TRAPPC14: variants seen among roughly 807,000 people sequenced by gnomAD.
TRAPPC14 encodes the protein trafficking protein particle complex subunit 14.
In TRAPPC14, 24 loss-of-function variants were observed where a neutral mutation model predicts 56.6. That is an observed-to-expected ratio of 0.42 (90% CI 0.31 to 0.60). The LOEUF (loss-of-function observed/expected upper bound fraction) is 0.60. Among genes scored for constraint, TRAPPC14 ranks in the 20% least tolerant of loss-of-function variants. The pLI is 0.14. For missense variants in TRAPPC14, 615 were observed against 790.3 expected (o/e 0.78, Z 2.66); for synonymous variants, 377 against 347.0 (o/e 1.09, Z -0.96).
intron 2 of TRAPPC14, 27 bp downstream of exon 2, chr7:100,157,816 C>A: frequency 6.2e-7 from 1 of 1,613,010 alleles, no homozygotes; most frequent in Non-Finnish European, 8.5e-7. Flanking sequence ...TGAATTAGGA[C>A]AATAGCTCCA....
Position 100,157,633 on chromosome 7 carries a change from C to T in TRAPPC14, c.637G>A (p.Val213Met), listed in dbSNP as rs1937995606. 2 of 1,614,142 alleles carry T rather than the reference C, an allele frequency of 1.2e-6. No homozygotes were observed. The highest frequency in any genetic ancestry group is 2.7e-5 in the African/African-American group (2 of 75,070). Residue 213 changes from valine to methionine, a missense_variant and splice_region_variant, in exon 3 of 11, where the codon GTG becomes ATG. Physicochemically the swap from Val to Met is conservative, Grantham distance 21. Transcript: ENST00000316937. ...TTTGCCTCTGCGCTGCCCTGCCCACCTTGGGCCTTGAAAGCGCTCTGCTCG... is the reference window on the plus strand; with the variant it reads ...TTTGCCTCTGCGCTGCCCTGCCCACTTTGGGCCTTGAAAGCGCTCTGCTCG... Reference protein sequence around the residue: ...RGEQSAFKAQVSTLLTLLPPP... With the variant: ...RGEQSAFKAQMSTLLTLLPPP...
At position 100,158,604 on chromosome 7, in the gene TRAPPC14, C is replaced by A. The variant is rs1798937717; in HGVS notation, c.-105G>T. ...GTCCCGACACCTCCGGCTGCTGCGC[C>A]CGGCTGGGGCGGCCGGAGAGACCGG... On this transcript the variant is annotated 5_prime_UTR_variant, in exon 1 of 11. Transcript: ENST00000316937. 8.6e-7 allele frequency: 1 copy of A among 1,157,160 alleles called. No homozygotes were observed. The highest frequency in any genetic ancestry group is 4.3e-5 in the Admixed American group (1 of 23,470). 71.7% of individuals were successfully genotyped at this position (1,157,160 alleles called of 1,614,324 possible). A position where few individuals can be genotyped will look rare whatever the true frequency, so the allele number is the denominator to read the frequency against.
Position 100,158,372 on chromosome 7 carries a change from G to A in TRAPPC14, c.128C>T (p.Thr43Ile), listed in dbSNP as rs941708198. The A allele has an allele frequency of 4.0e-6, 6 of 1,492,904 alleles. No homozygotes were observed. The Admixed American group carries it at 9.3e-5, about 23-fold the overall frequency. The allele number at this position is 1,492,904 out of a possible 1,614,324, so 92.5% of individuals were successfully genotyped here. A position where few individuals can be genotyped will look rare whatever the true frequency, so the allele number is the denominator to read the frequency against. Residue 43 changes from threonine (T) to isoleucine (I), a missense_variant, in exon 1 of 11, where the codon ACT becomes ATT. By Grantham distance (89) the Thr-to-Ile change is moderately conservative. Coordinates refer to ENST00000316937, the MANE Select transcript of TRAPPC14 (RefSeq NM_018275.5). ...GCGCAACACCAGCAGAAAACGGACA[G>A]TCTCCCCCAAGTACAGATGGTTGCG... ...PRRNHLYLGE[T>I]VRFLLVLRCR...
In TRAPPC14 at chr7:100,154,981, A is replaced by G. The variant is rs1357091657; in HGVS notation, c.*30T>C. Reference sequence around the variant, plus strand: ...CCCTCTGGGGGCGTTGGGTCTCTGGAGTGTAAGAGGGAACAGAGCTGGCAC... The same window carrying G: ...CCCTCTGGGGGCGTTGGGTCTCTGGGGTGTAAGAGGGAACAGAGCTGGCAC... On this transcript the variant is annotated 3_prime_UTR_variant, in exon 11 of 11. Coordinates refer to ENST00000316937, the MANE Select transcript of TRAPPC14 (RefSeq NM_018275.5). The G allele has an allele frequency of 6.2e-7, 1 of 1,612,758 alleles. No individual in the cohort carries two copies. The highest frequency in any genetic ancestry group is 8.5e-7 in the Non-Finnish European group (1 of 1,178,890).
rs763469351 is a variant in TRAPPC14 at position 100,158,511 on chromosome 7, G to A, written c.-12C>T. Reference sequence around the variant, plus strand: ...CACTGGGACTCCATGGGGCGGCGAGGACGGCGCGACTGGGAGCCCGGACCG... The same window carrying A: ...CACTGGGACTCCATGGGGCGGCGAGAACGGCGCGACTGGGAGCCCGGACCG... On this transcript the variant is annotated 5_prime_UTR_variant, in exon 1 of 11. Transcript: ENST00000316937. The A allele has an allele frequency of 1.0e-4, 137 of 1,312,790 alleles. 1 individual carries two copies. In the African/African-American group the frequency reaches 2.0e-3, roughly 19 times the overall value. 81.3% of individuals were successfully genotyped at this position (1,312,790 alleles called of 1,614,324 possible).
chr7:100,155,470 A>G lies in TRAPPC14; in HGVS notation c.1396-15T>C, dbSNP rs141927287. 18 of 1,513,576 alleles carry G rather than the reference A, an allele frequency of 1.2e-5. No individual in the cohort carries two copies. The highest frequency in any genetic ancestry group is 1.8e-4 in the Middle Eastern group (1 of 5,680). The allele number at this position is 1,513,576 out of a possible 1,614,324, so 93.8% of individuals were successfully genotyped here. A position where few individuals can be genotyped will look rare whatever the true frequency, so the allele number is the denominator to read the frequency against. On this transcript the variant is annotated splice_polypyrimidine_tract_variant and intron_variant, in intron 9 of 10. Transcript: ENST00000316937. ...TGCTGGCTTAGCTGGGGGGAGACACAGGTCAGCATGCCAGCTCGGCTTCCA... is the reference window on the plus strand; with the variant it reads ...TGCTGGCTTAGCTGGGGGGAGACACGGGTCAGCATGCCAGCTCGGCTTCCA...
Position 100,154,700 on chromosome 7 carries a change from CT to C in TRAPPC14, c.*310del, listed in dbSNP as rs1446876758. 7.2e-6 allele frequency: 3 copies of C among 417,306 alleles called. No homozygotes were observed. Among genetic ancestry groups the C allele is most frequent in the Non-Finnish European group, 1.3e-5 (3 of 228,474 alleles). 25.9% of individuals were successfully genotyped at this position (417,306 alleles called of 1,614,324 possible). A position where few individuals can be genotyped will look rare whatever the true frequency, so the allele number is the denominator to read the frequency against. On this transcript the variant is annotated 3_prime_UTR_variant, in exon 11 of 11. Transcript: ENST00000316937. ...GAACTCAACGGGAATGAGGAAGAGACTTTGTAAACTCAGAACCAGGGTAAAG... is the reference window on the plus strand; with the variant it reads ...GAACTCAACGGGAATGAGGAAGAGACTTGTAAACTCAGAACCAGGGTAAAG...
Position 100,158,659 on chromosome 7 carries a change from G to C in TRAPPC14, c.-160C>G, listed in dbSNP as rs574441040. 45 of 629,398 alleles carry C rather than the reference G, an allele frequency of 7.1e-5. No individual in the cohort carries two copies. In the South Asian group the frequency reaches 2.4e-3, roughly 34 times the overall value. The allele number at this position is 629,398 out of a possible 1,614,324, so 39.0% of individuals were successfully genotyped here. ...GTCCCGGCACCGGGGCAACGAACCCGAACCGAGACCCGGCAGCGCCGGAAC... is the reference window on the plus strand; with the variant it reads ...GTCCCGGCACCGGGGCAACGAACCCCAACCGAGACCCGGCAGCGCCGGAAC... On this transcript the variant is annotated 5_prime_UTR_variant, in exon 1 of 11. Coordinates refer to ENST00000316937, the MANE Select transcript of TRAPPC14 (RefSeq NM_018275.5).
chr7:100,157,257 C>T (rs1798900765), intron 4 of TRAPPC14, 43 bp from the exon 5 acceptor site: 1 of 1,613,756 alleles, frequency 6.2e-7, no homozygotes, highest in Non-Finnish European at 8.5e-7. Flanking sequence ...CTGGACCCCT[C>T]AGGCCCCACC....
rs770043074 is a variant in TRAPPC14, at chr7:100,157,078, C to T, written c.845+16G>A. On this transcript the variant is annotated intron_variant, in intron 5 of 10. Coordinates refer to ENST00000316937, the MANE Select transcript of TRAPPC14 (RefSeq NM_018275.5). ...ATCCCCACCACTTCACAGCCTCGCC[C>T]CTCCCAGGACCTCACCAGACATTGT... is the stretch of plus-strand genomic sequence containing the variant. The T allele has an allele frequency of 5.6e-6, 9 of 1,614,146 alleles. No homozygotes were observed. In the South Asian group the frequency reaches 9.9e-5, roughly 18 times the overall value.
At chr7:100,156,064 G>C in intron 8 of TRAPPC14, 1 of 690,164 alleles carries the variant, frequency 1.4e-6, no homozygotes, top group Admixed American at 2.1e-5. Context: ...CTATTTTAAA[G>C]GTGAGGACTC....
At chr7:100,156,035 C>T (rs1484208220) in intron 8 of TRAPPC14, 1 of 741,946 alleles carries the variant, frequency 1.3e-6, no homozygotes, top group African/African-American at 1.7e-5. Flanking sequence ...CATGACAGCC[C>T]CATCAGATAT....
At position 100,158,446 on chromosome 7, in the gene TRAPPC14, C is replaced by T. The variant is rs1376660635; in HGVS notation, c.54G>A (p.Pro18=). The part of the protein sequence containing the change: ...SMYFPAVPLP[P]RAELAGDPGR... ...CCGGATCCCCTGCCAGCTCCGCGCG[C>T]GGCGGCAGCGGCACGGCCGGGAAGT... is the stretch of plus-strand genomic sequence containing the variant. Residue 18 remains proline (P), a synonymous_variant, in exon 1 of 11, where the codon CCG becomes CCA. Transcript: ENST00000316937. The T allele has an allele frequency of 4.3e-6, 6 of 1,395,294 alleles. No individual in the cohort carries two copies. Among genetic ancestry groups the T allele is most frequent in the South Asian group, 1.6e-5 (1 of 63,016 alleles). 86.4% of individuals were successfully genotyped at this position (1,395,294 alleles called of 1,614,324 possible). A position where few individuals can be genotyped will look rare whatever the true frequency, so the allele number is the denominator to read the frequency against.
chr7:100,157,619 G>GCTGCC lies in TRAPPC14; in HGVS notation c.637+9_637+13dup, dbSNP rs772610012. On this transcript the variant is annotated intron_variant, in intron 3 of 10. Transcript: ENST00000316937. ...CCAGACTCTAGCCCTTTGCCTCTGC[G>GCTGCC]CTGCCCTGCCCACCTTGGGCCTTGA... is the stretch of plus-strand genomic sequence containing the variant. 197 of 1,613,830 alleles carry GCTGCC rather than the reference G, an allele frequency of 1.2e-4. 2 individuals carry two copies. The African/African-American group carries it at 2.1e-3, about 18-fold the overall frequency.
chr7:100,155,074 C>T lies in TRAPPC14; in HGVS notation c.1680G>A (p.Val560=), dbSNP rs773991644. The T allele has an allele frequency of 1.2e-6, 2 of 1,614,100 alleles. No individual in the cohort carries two copies. Among genetic ancestry groups the T allele is most frequent in the Admixed American group, 1.7e-5 (1 of 60,012 alleles). The part of the protein sequence containing the change: ...RPLYLPPDKA[V]LSLDKIAKRE... The stretch of plus-strand genomic sequence containing the variant: ...GCTTGGCAATCTTGTCCAGAGACAA[C>T]ACAGCCTTGTCCGGGGGCAGGTAGA... Residue 560 remains valine, a synonymous_variant, in exon 11 of 11, where the codon GTG becomes GTA. Transcript: ENST00000316937.
Position 100,158,605 on chromosome 7 carries a change from C to A in TRAPPC14, c.-106G>T. The stretch of plus-strand genomic sequence containing the variant: ...TCCCGACACCTCCGGCTGCTGCGCC[C>A]GGCTGGGGCGGCCGGAGAGACCGGC... On this transcript the variant is annotated 5_prime_UTR_variant, in exon 1 of 11. Coordinates refer to ENST00000316937, the MANE Select transcript of TRAPPC14 (RefSeq NM_018275.5). 8.7e-7 allele frequency: 1 copy of A among 1,146,298 alleles called. No homozygotes were observed. The highest frequency in any genetic ancestry group is 1.1e-6 in the Non-Finnish European group (1 of 905,528). 71.0% of individuals were successfully genotyped at this position (1,146,298 alleles called of 1,614,324 possible).
In TRAPPC14 at chr7:100,157,000, A is replaced by C. The variant is rs973663042; in HGVS notation, c.846-8T>G. ...ACTTCCCCAGACTGGTGACTAGCTCAGAAAAGAGGACAAGGCATGGTCTCC... is the reference window on the plus strand; with the variant it reads ...ACTTCCCCAGACTGGTGACTAGCTCCGAAAAGAGGACAAGGCATGGTCTCC... On this transcript the variant is annotated splice_polypyrimidine_tract_variant and splice_region_variant and intron_variant, in intron 5 of 10. Transcript: ENST00000316937. 2 of 1,613,972 alleles carry C rather than the reference A, an allele frequency of 1.2e-6. No individual in the cohort carries two copies. Among genetic ancestry groups the C allele is most frequent in the African/African-American group, 2.7e-5 (2 of 74,920 alleles).
At chr7:100,157,611 G>C in intron 3 of TRAPPC14, 22 bp downstream of exon 3, 3 of 1,613,582 alleles carry the variant, frequency 1.9e-6, no homozygotes, top group Non-Finnish European at 2.5e-6. Flanking sequence ...CTAGCCCTTT[G>C]CCTCTGCGCT....
intron 5 of TRAPPC14, 39 bp downstream of exon 5, chr7:100,157,055 C>G (rs1798896311): frequency 6.2e-7 from 1 of 1,613,988 alleles, no homozygotes. Flanking sequence ...CTGAAGCCAT[C>G]CCCACCACTT....
Sources: allele counts gnomAD v4.1 joint callset, GRCh38; gene constraint gnomAD v4.1.1; transcripts MANE v1.5; gene names NCBI Gene and HGNC (gene_info 2026-07-23, HGNC 2026-07-21).